HCN1: variants seen among roughly 807,000 people sequenced by gnomAD.
HCN1 encodes the protein potassium/sodium hyperpolarization-activated cyclic nucleotide-gated channel 1.
Under a neutral mutation model 78.9 loss-of-function variants are expected in HCN1, and 13 were observed. The ratio of observed to expected loss-of-function variants is 0.16; its 90% CI spans 0.11 to 0.26. HCN1 has a LOEUF of 0.26. Ranked by LOEUF, HCN1 falls within the 10% of genes least tolerant of loss-of-function variation. The pLI is 1.00. For synonymous variants in HCN1, 552 were observed against 455.5 expected, an observed-to-expected ratio of 1.21 and a Z score of -2.70; for missense variants, 810 against 1,154.3, an observed-to-expected ratio of 0.70 and a Z score of 4.32.
rs112868016 is a variant in HCN1, at chr5:45,506,408, T to C, written c.850-44401A>G. The stretch of plus-strand genomic sequence containing the variant: ...AATCCACCTCAAATTTGGTCTTCAA[T>C]TTAAAATTTCTTGAAAGTGTAATGT... On this transcript the variant is annotated intron_variant, in intron 2 of 7. Transcript: ENST00000303230. Among the ~76,000 whole-genome samples the C allele has an allele frequency of 2.6e-5, 4 of 152,286 alleles. 1 individual carries two copies. Among genetic ancestry groups the C allele is most frequent in the African/African-American group, 9.6e-5 (4 of 41,578 alleles).
At chr5:45,550,594 A>G (rs1366730300) in intron 2 of HCN1, among the ~76,000 whole-genome samples, 1 of 152,152 alleles carries the variant, frequency 6.6e-6, no homozygotes, top group Non-Finnish European at 1.5e-5. Flanking sequence ...ATGTATACAT[A>G]TGTAACAAAC....
At position 45,303,681 on chromosome 5, in the gene HCN1, C is replaced by G; in HGVS notation, c.1536G>C (p.Met512Ile). ...IIREGAVGKK[M>I]YFIQHGVAGV... ...CAGCAACACCGTGTTGAATGAAATA[C>G]ATTTTTTTACCCACGGCTCCTTCTC... Residue 512 changes from methionine (M) to isoleucine (I), a missense_variant, in exon 6 of 8, where the codon ATG becomes ATC. Physicochemically the swap from Met to Ile is conservative, Grantham distance 10. Coordinates refer to ENST00000303230, the MANE Select transcript of HCN1 (RefSeq NM_021072.4). 6.2e-7 allele frequency: 1 copy of G among 1,613,520 alleles called. No individual in the cohort carries two copies. Among genetic ancestry groups the G allele is most frequent in the Non-Finnish European group, 8.5e-7 (1 of 1,179,696 alleles).
intron 2 of HCN1, among the ~76,000 whole-genome samples, chr5:45,593,320 T>TCTCTCC (rs1237896363): frequency 7.3e-4 from 37 of 50,552 alleles, no homozygotes; most frequent in African/African-American, 1.7e-3. Flanking sequence ...TCTCTCTCTC[T>TCTCTCC]CCCTCTCTCT....
intron 3 of HCN1, among the ~76,000 whole-genome samples, chr5:45,407,908 A>T (rs1579874445): frequency 1.3e-5 from 2 of 152,124 alleles, no homozygotes; most frequent in East Asian, 3.9e-4. Context: ...GAAGACAGTG[A>T]TACTGATGAT....
chr5:45,298,665 A>G (rs1240875728), intron 6 of HCN1, among the ~76,000 whole-genome samples: 1 of 152,022 alleles, frequency 6.6e-6, no homozygotes, highest in African/African-American at 2.4e-5. Context: ...ATAAATAATG[A>G]AAGAGAATAG....
In HCN1 at chr5:45,550,512, G is replaced by A. The variant is rs4541664; in HGVS notation, c.850-88505C>T. ...TGCCTATTGTGGGGTTGGGGCACGG[G>A]GGAGGGATAGCATTAGGAGATATAC... On this transcript the variant is annotated intron_variant, in intron 2 of 7. Transcript: ENST00000303230. 1.8e-3 allele frequency among the ~76,000 whole-genome samples: 269 copies of A among 152,250 alleles called. 1 individual carries two copies. Among genetic ancestry groups the A allele is most frequent in the African/African-American group, 6.2e-3 (258 of 41,548 alleles).
Position 45,623,641 on chromosome 5 carries a change from C to A in HCN1, c.849+21544G>T, listed in dbSNP as rs963942522. Among the ~76,000 whole-genome samples the A allele has an allele frequency of 7.2e-5, 11 of 152,266 alleles. No individual in the cohort carries two copies. The East Asian group carries it at 2.1e-3, about 29-fold the overall frequency. On this transcript the variant is annotated intron_variant, in intron 2 of 7. Transcript: ENST00000303230. ...TTATAATTCAAAAGTGTGATGAGAT[C>A]ATTTAACTATTCATTCAACAAATAA...
intron 2 of HCN1, among the ~76,000 whole-genome samples, chr5:45,572,398 C>T (rs1379384427): frequency 6.6e-6 from 1 of 152,098 alleles, no homozygotes; most frequent in East Asian, 1.9e-4. Flanking sequence ...TTCAGGAATG[C>T]TCAAAGTACT....
intron 2 of HCN1, chr5:45,576,287 T>C (rs552599064): frequency 6.6e-6 from 1 of 152,276 alleles, no homozygotes; most frequent in Admixed American, 6.5e-5. Flanking sequence ...ATAAAGATGC[T>C]ATGAATATTG....
intron 3 of HCN1, among the ~76,000 whole-genome samples, chr5:45,419,399 A>T (rs1436903500): frequency 6.6e-6 from 1 of 152,154 alleles, no homozygotes; most frequent in Non-Finnish European, 1.5e-5. Flanking sequence ...AGAAACCTAA[A>T]GGAGTACTGA....
intron 2 of HCN1, among the ~76,000 whole-genome samples, chr5:45,585,751 C>T (rs750112770): frequency 6.6e-6 from 1 of 152,150 alleles, no homozygotes; most frequent in Non-Finnish European, 1.5e-5. Flanking sequence ...ACAGTCGGGA[C>T]CCTCAGCTGC....
intron 3 of HCN1, among the ~76,000 whole-genome samples, chr5:45,420,503 T>G (rs1024169311): frequency 3.3e-5 from 5 of 152,060 alleles, no homozygotes; most frequent in Admixed American, 6.6e-5. Context: ...TTCCTGAAAT[T>G]TGGGTGTAAT....
chr5:45,344,573 T>G (rs1746657131), intron 5 of HCN1, among the ~76,000 whole-genome samples: 1 of 152,106 alleles, frequency 6.6e-6, no homozygotes, highest in Non-Finnish European at 1.5e-5. Context: ...ATACAGCTAT[T>G]CTAAATGGGA....
chr5:45,378,971 A>G (rs1579856737), intron 4 of HCN1, among the ~76,000 whole-genome samples: 1 of 152,084 alleles, frequency 6.6e-6, no homozygotes, highest in African/African-American at 2.4e-5. Context: ...TTATGGCTGC[A>G]TAGTATTCCA....
intron 1 of HCN1, among the ~76,000 whole-genome samples, chr5:45,664,765 G>C (rs1429420247): frequency 6.6e-6 from 1 of 151,962 alleles, no homozygotes; most frequent in Non-Finnish European, 1.5e-5. Context: ...TCTCACACTA[G>C]TTAGAATGGC....
chr5:45,278,418 T>G (rs1745104974), intron 6 of HCN1, among the ~76,000 whole-genome samples: 1 of 152,048 alleles, frequency 6.6e-6, no homozygotes, highest in Admixed American at 6.6e-5. Flanking sequence ...ATTAGGCAAA[T>G]AAAGAAATCC....
Position 45,530,094 on chromosome 5 carries a change from G to C in HCN1, c.850-68087C>G, listed in dbSNP as rs370748871. Among the ~76,000 whole-genome samples, 61 of 152,204 alleles carry C rather than the reference G, an allele frequency of 4.0e-4. 1 individual carries two copies. In the South Asian group the frequency reaches 0.012, roughly 31 times the overall value. On this transcript the variant is annotated intron_variant, in intron 2 of 7. Transcript: ENST00000303230. ...AAAATTCTGCAAACAAAGCAAGACT[G>C]ACCTAGAAGTCAGAGTATTTGGGTT...
intron 4 of HCN1, among the ~76,000 whole-genome samples, chr5:45,368,260 G>A (rs1017706113): frequency 6.6e-6 from 1 of 151,754 alleles, no homozygotes; most frequent in Admixed American, 6.6e-5. Context: ...TTCTATTTTC[G>A]CCATGCTGAA....
At chr5:45,286,055 T>C (rs1043264712) in intron 6 of HCN1, among the ~76,000 whole-genome samples, 7 of 151,930 alleles carry the variant, frequency 4.6e-5, no homozygotes, top group Admixed American at 3.9e-4. Context: ...TCTCAGAAAC[T>C]GGAAATTAAC....
Sources: gnomAD v4.1 joint callset for allele counts (sites outside exome capture counted in the v4.1 genomes callset) on GRCh38, gnomAD v4.1.1 for gene constraint, MANE v1.5 for transcripts, NCBI Gene and HGNC (gene_info 2026-07-23, HGNC 2026-07-21) for gene names.